Variants in CAMKMT observed in about 807,000 individuals in gnomAD.
CAMKMT encodes the protein calmodulin-lysine N-methyltransferase.
CAMKMT carries 53 observed loss-of-function variants against 48.0 expected under a neutral mutation model. The observed-to-expected ratio is 1.10, with a 90% confidence interval of 0.89 to 1.39. The LOEUF is 1.39. CAMKMT is among the 40% of genes most tolerant of loss of function. The pLI, the probability that CAMKMT is intolerant of heterozygous loss-of-function variation, is 0.00. For synonymous variants in CAMKMT, 165 were observed against 152.3 expected (o/e 1.08, Z -0.61); for missense variants, 428 against 402.7 (o/e 1.06, Z -0.54).
intron 3 of CAMKMT, among the ~76,000 whole-genome samples, chr2:44,407,163 G>C (rs1572788816): frequency 6.6e-6 from 1 of 152,130 alleles, no homozygotes; most frequent in East Asian, 1.9e-4. Context: ...GTTCTGGTGG[G>C]CTATCATTAT....
chr2:44,704,949 A>C (rs571929022), intron 4 of CAMKMT, among the ~76,000 whole-genome samples: 2 of 152,240 alleles, frequency 1.3e-5, no homozygotes, highest in South Asian at 2.1e-4. Flanking sequence ...AAAAAAAAAA[A>C]AAACTTTATT....
At chr2:44,768,361 A>ATATATATATATTT (rs35058824) in intron 10 of CAMKMT, among the ~76,000 whole-genome samples, 2 of 115,742 alleles carry the variant, frequency 1.7e-5, no homozygotes, top group African/African-American at 7.4e-5. Flanking sequence ...ATATATATAT[A>ATATATATATATTT]TTTTTTTTTT....
At chr2:44,576,957 G>C (rs558080031) in intron 3 of CAMKMT, among the ~76,000 whole-genome samples, 1 of 152,178 alleles carries the variant, frequency 6.6e-6, no homozygotes, top group Non-Finnish European at 1.5e-5. Flanking sequence ...TTTTCAAGGA[G>C]CTCATTTCTA....
intron 3 of CAMKMT, among the ~76,000 whole-genome samples, chr2:44,679,687 C>A (rs1383723009): frequency 6.6e-6 from 1 of 152,188 alleles, no homozygotes; most frequent in East Asian, 1.9e-4. Flanking sequence ...TCATTGCCTT[C>A]CACAAATAAG....
chr2:44,497,559 G>A (rs1318897158), intron 3 of CAMKMT, among the ~76,000 whole-genome samples: 1 of 152,080 alleles, frequency 6.6e-6, no homozygotes. Context: ...ACACCTGAAA[G>A]TTACATACCA....
chr2:44,535,328 C>T (rs1443120459), intron 3 of CAMKMT, among the ~76,000 whole-genome samples: 2 of 151,936 alleles, frequency 1.3e-5, no homozygotes, highest in African/African-American at 4.8e-5. Flanking sequence ...AAGAAGGACT[C>T]ACTCCTCAAA....
At chr2:44,465,196 G>A (rs1668047419) in intron 3 of CAMKMT, among the ~76,000 whole-genome samples, 1 of 152,068 alleles carries the variant, frequency 6.6e-6, no homozygotes, top group South Asian at 2.1e-4. Context: ...GTTTAAAAGA[G>A]ATCATTATAA....
chr2:44,562,585 G>T (rs560052832), intron 3 of CAMKMT, among the ~76,000 whole-genome samples: 11 of 152,134 alleles, frequency 7.2e-5, no homozygotes, highest in Non-Finnish European at 1.6e-4. Context: ...TTTTGAGACA[G>T]AATCTCACTC....
intron 3 of CAMKMT, among the ~76,000 whole-genome samples, chr2:44,682,790 GA>G (rs1676097305): frequency 6.6e-6 from 1 of 152,128 alleles, no homozygotes; most frequent in Admixed American, 6.6e-5. Context: ...TGTTGTATGT[GA>G]AAATTGTATA....
intron 3 of CAMKMT, among the ~76,000 whole-genome samples, chr2:44,494,541 A>G (rs1407158072): frequency 6.6e-6 from 1 of 152,224 alleles, no homozygotes; most frequent in African/African-American, 2.4e-5. Context: ...ATAAAACACT[A>G]GGACATAAAA....
intron 3 of CAMKMT, among the ~76,000 whole-genome samples, chr2:44,476,419 A>G (rs1298293013): frequency 6.6e-6 from 1 of 152,158 alleles, no homozygotes; most frequent in East Asian, 1.9e-4. Context: ...ACTTTGTAGC[A>G]TCAACTATTT....
At position 44,749,946 on chromosome 2, in the gene CAMKMT, G is replaced by A. The variant is rs77943771; in HGVS notation, c.699-4109G>A. ...CTGACCTGCAGCATTAGAAATGGGA[G>A]TAGGGGGCCTTACTTAGGCCCCTCA... On this transcript the variant is annotated intron_variant, in intron 8 of 10. Transcript: ENST00000378494. Among the ~76,000 whole-genome samples the A allele has an allele frequency of 6.8e-3, 1,030 of 152,316 alleles. 13 individuals carry two copies. The highest frequency in any genetic ancestry group is 0.024 in the African/African-American group (977 of 41,552).
intron 8 of CAMKMT, among the ~76,000 whole-genome samples, chr2:44,747,236 T>C (rs1679959010): frequency 1.3e-5 from 2 of 152,232 alleles, no homozygotes; most frequent in South Asian, 4.1e-4. Flanking sequence ...TTAGTCCTTT[T>C]TACTTTGCTC....
At chr2:44,584,927 C>T (rs1431743099) in intron 3 of CAMKMT, among the ~76,000 whole-genome samples, 17 of 151,610 alleles carry the variant, frequency 1.1e-4, no homozygotes, top group Non-Finnish European at 2.2e-4. Context: ...TGGTGGTGGG[C>T]GCCTGTAGTC....
intron 3 of CAMKMT, among the ~76,000 whole-genome samples, chr2:44,560,983 T>G (rs1316584308): frequency 6.6e-6 from 1 of 152,238 alleles, no homozygotes; most frequent in East Asian, 1.9e-4. Context: ...GAGAGAAAAT[T>G]AAATCTAAGC....
intron 3 of CAMKMT, among the ~76,000 whole-genome samples, chr2:44,645,908 C>G (rs962474992): frequency 6.6e-6 from 1 of 152,184 alleles, no homozygotes; most frequent in African/African-American, 2.4e-5. Context: ...CTGACAGTGT[C>G]CTACTGAAGG....
chr2:44,726,413 G>A (rs753164874), intron 7 of CAMKMT, among the ~76,000 whole-genome samples: 17 of 152,046 alleles, frequency 1.1e-4, no homozygotes, highest in Non-Finnish European at 1.6e-4. Flanking sequence ...TTTGTTGGCC[G>A]CTTGGTGTAT....
chr2:44,432,394 G>T (rs1684703768), intron 3 of CAMKMT, among the ~76,000 whole-genome samples: 1 of 152,114 alleles, frequency 6.6e-6, no homozygotes, highest in Non-Finnish European at 1.5e-5. Context: ...GATTACGAAG[G>T]CACCCCACAT....
At chr2:44,434,172 C>A (rs1194763927) in intron 3 of CAMKMT, among the ~76,000 whole-genome samples, 2 of 151,332 alleles carry the variant, frequency 1.3e-5, no homozygotes, top group Admixed American at 6.6e-5. Flanking sequence ...TATGTGTATG[C>A]TGAATGAAAA....
Sources: gnomAD v4.1 joint callset for allele counts (sites outside exome capture counted in the v4.1 genomes callset) on GRCh38, gnomAD v4.1.1 for gene constraint, MANE v1.5 for transcripts, NCBI Gene and HGNC (gene_info 2026-07-23, HGNC 2026-07-21) for gene names.